Variants in RASGRP3 observed in about 807,000 individuals in gnomAD.
RASGRP3 encodes the protein ras guanyl-releasing protein 3.
A neutral mutation model predicts 82.7 loss-of-function variants in RASGRP3; 54 were observed. The ratio of observed to expected loss-of-function variants is 0.65; its 90% CI spans 0.52 to 0.82. RASGRP3 has a LOEUF of 0.82. Among genes scored for constraint, RASGRP3 ranks in the 40% least tolerant of loss-of-function variants. The pLI, the probability that RASGRP3 is intolerant of heterozygous loss-of-function variation, is 0.00. For synonymous variants in RASGRP3, 309 were observed against 300.5 expected, an observed-to-expected ratio of 1.03 and a Z score of -0.29; for missense variants, 861 against 828.9, an observed-to-expected ratio of 1.04 and a Z score of -0.48.
rs1676907302 is a variant in RASGRP3 at position 33,563,402 on chromosome 2, T to C, written c.*665T>C. 6.6e-6 allele frequency: 1 copy of C among 152,224 alleles called. No homozygotes were observed. The highest frequency in any genetic ancestry group is 2.4e-5 in the African/African-American group (1 of 41,390). The allele number at this position is 152,224 out of a possible 1,614,324, so 9.4% of individuals were successfully genotyped here. A position where few individuals can be genotyped will look rare whatever the true frequency, so the allele number is the denominator to read the frequency against. On this transcript the variant is annotated 3_prime_UTR_variant, in exon 18 of 18. Coordinates refer to ENST00000403687, the MANE Select transcript of RASGRP3 (RefSeq NM_001139488.2). ...TGATATGTAACAAGTCACACATGTATATATCACACAAGTCTTACCAATTCT... is the reference window on the plus strand; with the variant it reads ...TGATATGTAACAAGTCACACATGTACATATCACACAAGTCTTACCAATTCT...
chr2:33,561,331 T>C (rs1157576645), intron 17 of RASGRP3, among the ~76,000 whole-genome samples: 1 of 152,210 alleles, frequency 6.6e-6, no homozygotes, highest in African/African-American at 2.4e-5. Context: ...ACTCCCAAAG[T>C]GCTAGGATTA....
At chr2:33,458,615 A>T (rs1666175157) in intron 2 of RASGRP3, among the ~76,000 whole-genome samples, 2 of 152,008 alleles carry the variant, frequency 1.3e-5, no homozygotes, top group African/African-American at 4.8e-5. Context: ...TAGATAGTGG[A>T]CCCTATTCCT....
chr2:33,479,782 C>A (rs546903102), intron 1 of RASGRP3, among the ~76,000 whole-genome samples: 10 of 152,230 alleles, frequency 6.6e-5, no homozygotes, highest in African/African-American at 2.4e-4. Context: ...AAGAAACCTG[C>A]CTCCTGAATC....
chr2:33,496,703 A>G (rs1669348321), intron 1 of RASGRP3, among the ~76,000 whole-genome samples: 1 of 152,216 alleles, frequency 6.6e-6, no homozygotes, highest in Non-Finnish European at 1.5e-5. Flanking sequence ...CAAAAAATAC[A>G]AAAATTAGCA....
Position 33,556,472 on chromosome 2 carries a change from C to A in RASGRP3, c.1579+905C>A, listed in dbSNP as rs541837854. 2.5e-4 allele frequency among the ~76,000 whole-genome samples: 22 copies of A among 89,218 alleles called. 4 individuals carry two copies. In the South Asian group the frequency reaches 7.4e-3, roughly 30 times the overall value. 58.5% of individuals were successfully genotyped at this position (89,218 alleles called of 152,430 possible). A position where few individuals can be genotyped will look rare whatever the true frequency, so the allele number is the denominator to read the frequency against. On this transcript the variant is annotated intron_variant, in intron 15 of 17. Coordinates refer to ENST00000403687, the MANE Select transcript of RASGRP3 (RefSeq NM_001139488.2). ...CCTTGTTAGCCAGGATGGTCTCGATCTCCTGACCTCATGATCCACCCGCCT... is the reference window on the plus strand; with the variant it reads ...CCTTGTTAGCCAGGATGGTCTCGATATCCTGACCTCATGATCCACCCGCCT...
At chr2:33,478,826 C>T (rs1046209339) in intron 1 of RASGRP3, among the ~76,000 whole-genome samples, 1 of 152,200 alleles carries the variant, frequency 6.6e-6, no homozygotes, top group Non-Finnish European at 1.5e-5. Flanking sequence ...ATAACAATCC[C>T]TTACTTTTAT....
intron 17 of RASGRP3, among the ~76,000 whole-genome samples, chr2:33,560,034 T>A (rs980143894): frequency 6.6e-6 from 1 of 152,230 alleles, no homozygotes; most frequent in Non-Finnish European, 1.5e-5. Flanking sequence ...TTTGTTTCTA[T>A]AACATCCACT....
At chr2:33,463,992 A>G (rs1054736862) in intron 2 of RASGRP3, among the ~76,000 whole-genome samples, 2 of 151,776 alleles carry the variant, frequency 1.3e-5, no homozygotes, top group African/African-American at 4.8e-5. Context: ...TTACAAATTG[A>G]AAGTTTAAGG....
upstream of RASGRP3, chr2:33,476,276 C>T (rs1284291993): frequency 6.6e-6 from 1 of 152,232 alleles, no homozygotes; most frequent in Admixed American, 6.6e-5. Context: ...TCTCTCTTGC[C>T]GTTCGAGAGC....
Position 33,527,328 on chromosome 2 carries a change from C to G in RASGRP3, c.999C>G (p.Leu333=). The G allele has an allele frequency of 6.2e-7, 1 of 1,613,902 alleles. No homozygotes were observed. Among genetic ancestry groups the G allele is most frequent in the Non-Finnish European group, 8.5e-7 (1 of 1,179,782 alleles). Residue 333 remains leucine, a synonymous_variant, in exon 10 of 18, where the codon CTC becomes CTG. Transcript: ENST00000403687. Reference sequence around the variant, plus strand: ...TGAACATTGTGAAAATGCACCAGCTCTCCGTTACCCTGAGTGAACTAGTCT... The same window carrying G: ...TGAACATTGTGAAAATGCACCAGCTGTCCGTTACCCTGAGTGAACTAGTCT... ...NKVNIVKMHQ[L]SVTLSELVSL...
At chr2:33,549,829 T>A in intron 14 of RASGRP3, 78 bp downstream of exon 14, 1 of 1,455,196 alleles carries the variant, frequency 6.9e-7, no homozygotes, top group Middle Eastern at 1.8e-4. Flanking sequence ...AATGATACAC[T>A]AAATAAAGTT....
intron 2 of RASGRP3, among the ~76,000 whole-genome samples, chr2:33,449,741 G>A (rs1356927249): frequency 2.0e-5 from 3 of 151,640 alleles, no homozygotes; most frequent in African/African-American, 7.3e-5. Flanking sequence ...CCTGGTGATA[G>A]TACGAGACTC....
chr2:33,539,238 G>C, intron 12 of RASGRP3, 28 bp downstream of exon 12: 1 of 1,489,892 alleles, frequency 6.7e-7, no homozygotes. Flanking sequence ...AATAAAGAGA[G>C]GGCACTAGAA....
chr2:33,510,645 G>A (rs1424678042), intron 1 of RASGRP3, among the ~76,000 whole-genome samples: 1 of 152,188 alleles, frequency 6.6e-6, no homozygotes, highest in African/African-American at 2.4e-5. Context: ...GGAAGAAGTA[G>A]TGCAGGTAAA....
chr2:33,453,169 A>C (rs1342111606), intron 2 of RASGRP3, among the ~76,000 whole-genome samples: 2 of 152,266 alleles, frequency 1.3e-5, no homozygotes, highest in African/African-American at 2.4e-5. Context: ...GGCCAGAGAC[A>C]TCAAAATGGA....
At chr2:33,475,767 AG>A (rs1667323821), upstream of RASGRP3, among the ~76,000 whole-genome samples, 1 of 152,194 alleles carries the variant, frequency 6.6e-6, no homozygotes, top group South Asian at 2.1e-4. Context: ...ACAAAACATC[AG>A]GGATGGTTTG....
intron 11 of RASGRP3, among the ~76,000 whole-genome samples, 192 bp downstream of exon 11, chr2:33,534,592 G>C (rs1673421285): frequency 6.6e-6 from 1 of 151,828 alleles, no homozygotes; most frequent in Admixed American, 6.6e-5. Context: ...GCAATGGTGC[G>C]ATCTCGGCTC....
At chr2:33,533,389 G>A (rs1378726) in intron 10 of RASGRP3, 50,773 of 151,952 alleles carry the variant, frequency 0.33, 9,511 homozygotes, top group Middle Eastern at 0.52. Context: ...TTCTGTCTCC[G>A]GGGCCCCTAT....
intron 15 of RASGRP3, among the ~76,000 whole-genome samples, 159 bp downstream of exon 15, chr2:33,555,726 G>A (rs915898220): frequency 2.0e-5 from 3 of 152,148 alleles, no homozygotes; most frequent in Admixed American, 1.3e-4. Context: ...AGGAGTTTCT[G>A]GAGTTTTGGA....
Sources: gnomAD v4.1 joint callset for allele counts (sites outside exome capture counted in the v4.1 genomes callset) on GRCh38, gnomAD v4.1.1 for gene constraint, MANE v1.5 for transcripts, NCBI Gene and HGNC (gene_info 2026-07-23, HGNC 2026-07-21) for gene names.